Variants in VAMP7 observed in about 807,000 individuals in gnomAD.
The protein encoded by VAMP7 is vesicle-associated membrane protein 7.
In VAMP7, 14 loss-of-function variants were observed where a neutral mutation model predicts 29.6. The observed-to-expected ratio is 0.47, with a 90% CI of 0.31 to 0.74. The LOEUF is 0.74. VAMP7 is among the 30% of genes least tolerant of loss of function. The pLI is 0.05. For missense variants in VAMP7, 223 were observed against 262.4 expected, an observed-to-expected ratio of 0.85 and a Z score of 1.04; for synonymous variants, 95 against 88.1, an observed-to-expected ratio of 1.08 and a Z score of -0.44.
At chrX:155,915,592 T>G (rs1407622317) in intron 5 of VAMP7, among the ~76,000 whole-genome samples, 1 of 152,186 alleles carries the variant, frequency 6.6e-6, no homozygotes, top group Admixed American at 6.5e-5. Flanking sequence ...TCAAAAAACT[T>G]ATTTATTTCT....
Position 155,907,847 on chromosome X carries a change from C to T in VAMP7, c.433+7260C>T, listed in dbSNP as rs779844687. On this transcript the variant is annotated intron_variant, in intron 5 of 7. Coordinates refer to ENST00000286448, the MANE Select transcript of VAMP7 (RefSeq NM_005638.6). ...GGGGCTCCTCACTTCGCAGACGGGG[C>T]GGCTGCCGGGTGGAGGGTCTCCTCA... Among the ~76,000 whole-genome samples, 357 of 151,934 alleles carry T rather than the reference C, an allele frequency of 2.3e-3. 5 individuals carry two copies. The highest frequency in any genetic ancestry group is 7.9e-3 in the African/African-American group (329 of 41,450).
rs367569061 is a variant in VAMP7, at chrX:155,887,102, C to A, written c.-9-2356C>A. ...TTGTTTTACAGTCTTCATTCTCTTT[C>A]TTTCCTTTCGGCTTCTGGGCCACCA... On this transcript the variant is annotated intron_variant, in intron 1 of 7. Transcript: ENST00000286448. Among the ~76,000 whole-genome samples the A allele has an allele frequency of 1.8e-3, 281 of 152,310 alleles. 1 individual carries two copies. The highest frequency in any genetic ancestry group is 6.4e-3 in the African/African-American group (266 of 41,570).
At chrX:155,940,870 C>T (rs1365910369) in intron 7 of VAMP7, among the ~76,000 whole-genome samples, 2 of 152,108 alleles carry the variant, frequency 1.3e-5, no homozygotes, top group African/African-American at 2.4e-5. Flanking sequence ...AATCTGCCCC[C>T]CAACCCTGGC....
chrX:155,894,361 T>C (rs1310528231), intron 2 of VAMP7, among the ~76,000 whole-genome samples: 1 of 142,088 alleles, frequency 7.0e-6, no homozygotes, highest in Admixed American at 7.1e-5. Context: ...GATCACACCC[T>C]CCCTAGGCTA....
chrX:155,894,525 T>G (rs1379374992), intron 2 of VAMP7, among the ~76,000 whole-genome samples: 1 of 152,018 alleles, frequency 6.6e-6, no homozygotes, highest in Non-Finnish European at 1.5e-5. Context: ...GTGAGCCAAT[T>G]TTACTTTCCT....
intron 6 of VAMP7, among the ~76,000 whole-genome samples, chrX:155,930,900 C>G (rs1476897692): frequency 6.6e-6 from 1 of 151,956 alleles, no homozygotes; most frequent in Non-Finnish European, 1.5e-5. Context: ...GTGATGTTCC[C>G]CTTCCTGTGT....
intron 5 of VAMP7, among the ~76,000 whole-genome samples, chrX:155,902,014 T>C (rs756750580): frequency 3.5e-4 from 54 of 152,236 alleles, no homozygotes; most frequent in African/African-American, 1.2e-3. Flanking sequence ...ACATGGAATG[T>C]TCTTCCATTT....
In VAMP7 at chrX:155,900,505, C is replaced by T. The variant is rs774894074; in HGVS notation, c.351C>T (p.His117=). 6.2e-7 allele frequency: 1 copy of T among 1,608,316 alleles called. No individual in the cohort carries two copies. Among genetic ancestry groups the T allele is most frequent in the South Asian group, 1.1e-5 (1 of 89,928 alleles). Reference sequence around the variant, plus strand: ...AACTTATTTTCTTATAGAAGCATCACTCTGAGAATAAGGGCCTAGACAAAG... The same window carrying T: ...AACTTATTTTCTTATAGAAGCATCATTCTGAGAATAAGGGCCTAGACAAAG... ...SSVLAAQLKH[H]SENKGLDKVM... The change falls in exon 5 of 8, where the codon CAC becomes CAT. Residue 117 remains histidine, a synonymous_variant. Coordinates refer to ENST00000286448, the MANE Select transcript of VAMP7 (RefSeq NM_005638.6).
At chrX:155,899,648 C>T (rs1325045619) in intron 4 of VAMP7, among the ~76,000 whole-genome samples, 3 of 151,926 alleles carry the variant, frequency 2.0e-5, no homozygotes, top group Non-Finnish European at 4.4e-5. Flanking sequence ...TTCATACTCC[C>T]CACTAGGAAA....
chrX:155,883,881 T>G (rs2065834986), intron 1 of VAMP7, among the ~76,000 whole-genome samples: 1 of 150,514 alleles, frequency 6.6e-6, no homozygotes, highest in Non-Finnish European at 1.5e-5. Flanking sequence ...TGACTAATTT[T>G]TTTTTGTATT....
intron 5 of VAMP7, among the ~76,000 whole-genome samples, chrX:155,913,725 G>T (rs1427080076): frequency 1.3e-5 from 2 of 152,046 alleles, no homozygotes; most frequent in African/African-American, 4.8e-5. Context: ...CTGTTCCATT[G>T]GTCTATGTAT....
At chrX:155,908,663 A>G (rs2066188555) in intron 5 of VAMP7, among the ~76,000 whole-genome samples, 1 of 152,054 alleles carries the variant, frequency 6.6e-6, no homozygotes, top group African/African-American at 2.4e-5. Flanking sequence ...ATGAGTCAAG[A>G]AGTGTTCCCC....
intron 1 of VAMP7, among the ~76,000 whole-genome samples, chrX:155,882,647 A>G (rs151003705): frequency 0.011 from 1,683 of 152,288 alleles, 16 homozygotes; most frequent in Middle Eastern, 0.031. Context: ...GGATTGGATT[A>G]CTATTAGCTC....
At chrX:155,904,223 A>G (rs1307016597) in intron 5 of VAMP7, among the ~76,000 whole-genome samples, 1 of 137,894 alleles carries the variant, frequency 7.3e-6, no homozygotes, top group Non-Finnish European at 1.6e-5. Flanking sequence ...GGGGAGGGGG[A>G]AGGATAGCTT....
At chrX:155,884,618 A>G (rs1338048883) in intron 1 of VAMP7, among the ~76,000 whole-genome samples, 1 of 152,226 alleles carries the variant, frequency 6.6e-6, no homozygotes, top group Non-Finnish European at 1.5e-5. Context: ...AAGCATTGTT[A>G]TTTTAGGTGA....
chrX:155,909,431 T>C (rs2124311351), intron 5 of VAMP7, among the ~76,000 whole-genome samples: 1 of 152,278 alleles, frequency 6.6e-6, no homozygotes, highest in East Asian at 1.9e-4. Context: ...AACCAACTTC[T>C]GGTTTCATAG....
intron 5 of VAMP7, among the ~76,000 whole-genome samples, chrX:155,908,877 C>T (rs1015354861): frequency 1.3e-5 from 2 of 151,876 alleles, no homozygotes; most frequent in Non-Finnish European, 2.9e-5. Context: ...TCTTTCATTC[C>T]CTTGGTGGGA....
intron 2 of VAMP7, among the ~76,000 whole-genome samples, chrX:155,891,914 T>A (rs754618573): frequency 6.6e-6 from 1 of 152,304 alleles, no homozygotes; most frequent in East Asian, 1.9e-4. Context: ...ATACTTTCTC[T>A]AAAAATGTAT....
chrX:155,937,813 A>T, intron 6 of VAMP7, among the ~76,000 whole-genome samples: 1 of 152,220 alleles, frequency 6.6e-6, no homozygotes, highest in East Asian at 1.9e-4. Flanking sequence ...CCAGGCACAT[A>T]ATAAGCACAT....
Sources: gnomAD v4.1 joint callset for allele counts (sites outside exome capture counted in the v4.1 genomes callset) on GRCh38, gnomAD v4.1.1 for gene constraint, MANE v1.5 for transcripts, NCBI Gene and HGNC (gene_info 2026-07-23, HGNC 2026-07-21) for gene names.